The following PRDM16 variants were observed in gnomAD, a reference collection of about 807,000 sequenced individuals.
PRDM16 encodes the protein PR/SET domain 16, also known as histone-lysine N-methyltransferase PRDM16.
PRDM16 carries 23 observed loss-of-function variants against 110.6 expected under a neutral mutation model. The ratio of observed to expected loss-of-function variants is 0.21; its 90% CI spans 0.15 to 0.29. The LOEUF (loss-of-function observed/expected upper bound fraction) is 0.29. Ranked by LOEUF, PRDM16 falls within the 10% of genes least tolerant of loss-of-function variation. The pLI, the probability that PRDM16 is intolerant of heterozygous loss-of-function variation, is 1.00. For missense variants in PRDM16, 1,615 were observed against 1,794.3 expected, an observed-to-expected ratio of 0.90 and a Z score of 1.81; for synonymous variants, 799 against 781.8, an observed-to-expected ratio of 1.02 and a Z score of -0.37.
chr1:3,321,416 G>C (rs1641742012), intron 3 of PRDM16, among the ~76,000 whole-genome samples: 1 of 151,716 alleles, frequency 6.6e-6, no homozygotes, highest in Non-Finnish European at 1.5e-5. Context: ...GTGAGTGTAT[G>C]CATTTGTGTG....
In PRDM16 at chr1:3,176,509, T is replaced by C. The variant is rs185406079; in HGVS notation, c.38-9616T>C. Among the ~76,000 whole-genome samples, 371 of 151,200 alleles carry C rather than the reference T, an allele frequency of 2.5e-3. 3 individuals are homozygous for C. The highest frequency in any genetic ancestry group is 8.6e-3 in the African/African-American group (356 of 41,368). On this transcript the variant is annotated intron_variant, in intron 1 of 16. Coordinates refer to ENST00000270722, the MANE Select transcript of PRDM16 (RefSeq NM_022114.4). ...ATCCATCCATCCATCCACCCACCCATTGATTCACCCACCCATCCATTCATC... is the reference window on the plus strand; with the variant it reads ...ATCCATCCATCCATCCACCCACCCACTGATTCACCCACCCATCCATTCATC...
intron 2 of PRDM16, among the ~76,000 whole-genome samples, chr1:3,219,935 G>A (rs765599888): frequency 2.6e-5 from 4 of 152,192 alleles, no homozygotes; most frequent in Non-Finnish European, 4.4e-5. Flanking sequence ...CCAGACCGGC[G>A]GAGTCTCCCT....
At chr1:3,304,376 T>C (rs1429145538) in intron 3 of PRDM16, among the ~76,000 whole-genome samples, 1 of 152,200 alleles carries the variant, frequency 6.6e-6, no homozygotes, top group Non-Finnish European at 1.5e-5. Context: ...AAGGCAATCT[T>C]CCAGTCAGCT....
rs1354516604 is a variant in PRDM16, at chr1:3,412,229, C to T, written c.2032C>T (p.Pro678Ser). Residue 678 changes from proline to serine, a missense_variant, in exon 9 of 17, where the codon CCC becomes TCC. This residue lies in a region of PRDM16 where 772 missense variants were observed against 748.3 expected (regional missense o/e 1.03). Coordinates refer to ENST00000270722, the MANE Select transcript of PRDM16 (RefSeq NM_022114.4). ...FYSQHSFFPP[P>S]DEQLLTATGA... Reference sequence around the variant, plus strand: ...TTCCCAGCACTCATTCTTCCCGCCACCCGACGAGCAGCTGCTGACTGCAAC... The same window carrying T: ...TTCCCAGCACTCATTCTTCCCGCCATCCGACGAGCAGCTGCTGACTGCAAC... The T allele has an allele frequency of 6.2e-7, 1 of 1,608,698 alleles. No homozygotes were observed. Among genetic ancestry groups the T allele is most frequent in the Non-Finnish European group, 8.5e-7 (1 of 1,176,344 alleles).
Position 3,405,641 on chromosome 1 carries a change from T to G in PRDM16, c.1179T>G (p.Pro393=). Residue 393 remains proline (P), a synonymous_variant, in exon 8 of 17, where the codon CCT becomes CCG. Coordinates refer to ENST00000270722, the MANE Select transcript of PRDM16 (RefSeq NM_022114.4). ...QHKHIHSTVK[P]FICEVCHKSY... is the part of the protein sequence containing the mutation. ...AGCATATCCACAGCACGGTGAAGCC[T>G]TTCATATGTGAGTGGTCGCCCAGCC... 6.3e-7 allele frequency: 1 copy of G among 1,585,258 alleles called. No individual in the cohort carries two copies. The highest frequency in any genetic ancestry group is 1.1e-5 in the South Asian group (1 of 87,914).
intron 5 of PRDM16, among the ~76,000 whole-genome samples, chr1:3,398,629 C>T (rs1463432982): frequency 1.3e-5 from 2 of 152,208 alleles, no homozygotes; most frequent in Non-Finnish European, 1.5e-5. Flanking sequence ...CTCGGCTCTC[C>T]GGGGCCATTA....
intron 2 of PRDM16, among the ~76,000 whole-genome samples, chr1:3,237,168 C>T (rs12080274): frequency 1.2e-4 from 19 of 152,158 alleles, no homozygotes; most frequent in African/African-American, 4.3e-4. Context: ...CCCCCATCGT[C>T]TGTTTCTTGC....
rs1458064195 is a variant in PRDM16 at position 3,243,498 on chromosome 1, G to C, written c.388-589G>C. Reference sequence around the variant, plus strand: ...CCCCTGCCTCTGGCCGCCCGCCGCTGTCTCCTGGGACCGCTGGGCAGAGTC... The same window carrying C: ...CCCCTGCCTCTGGCCGCCCGCCGCTCTCTCCTGGGACCGCTGGGCAGAGTC... On this transcript the variant is annotated intron_variant, in intron 2 of 16. Coordinates refer to ENST00000270722, the MANE Select transcript of PRDM16 (RefSeq NM_022114.4). The surrounding 1 kb of genome is among the most constrained non-coding windows in gnomAD (Gnocchi z 5.5). Among the ~76,000 whole-genome samples, 1 of 152,154 alleles carries C rather than the reference G, an allele frequency of 6.6e-6. No homozygotes were observed. Among genetic ancestry groups the C allele is most frequent in the African/African-American group, 2.4e-5 (1 of 41,444 alleles).
At chr1:3,317,623 G>A (rs971381794) in intron 3 of PRDM16, among the ~76,000 whole-genome samples, 8 of 152,204 alleles carry the variant, frequency 5.3e-5, no homozygotes, top group South Asian at 4.1e-4. Context: ...GGCTCCGCCC[G>A]GGCCTCTGAG....
At chr1:3,181,666 A>ATGCAGTCTTACACACG (rs200523426) in intron 1 of PRDM16, among the ~76,000 whole-genome samples, 1 of 133,046 alleles carries the variant, frequency 7.5e-6, no homozygotes, top group Non-Finnish European at 1.6e-5. Context: ...GGTCTTACAC[A>ATGCAGTCTTACACACG]GTCTTACACG....
chr1:3,181,793 TGCAGTCTTACAC>T (rs1455567924), intron 1 of PRDM16, among the ~76,000 whole-genome samples: 4 of 58,816 alleles, frequency 6.8e-5, no homozygotes, highest in Non-Finnish European at 1.6e-4. Context: ...GTCTTACACA[TGCAGTCTTACAC>T]ACGGTCTTAC....
rs145245025 is a variant in PRDM16 at position 3,304,408 on chromosome 1, A to G, written c.438+60271A>G. ...AGCTTTCCCTTAACAAGTGATCTCT[A>G]TTCGCTGAAACCACATTTGCAGCCT... On this transcript the variant is annotated intron_variant, in intron 3 of 16. Transcript: ENST00000270722. 1.2e-3 allele frequency among the ~76,000 whole-genome samples: 188 copies of G among 152,310 alleles called. 1 individual carries two copies. Among genetic ancestry groups the G allele is most frequent in the Non-Finnish European group, 2.1e-3 (140 of 68,024 alleles).
rs201711960 is a variant in PRDM16 at position 3,435,769 on chromosome 1, CTG to C, written c.*1961_*1962del. ...GCTCCAGGACAAAAGACAATCGTCT[CTG>C]TGGGTGCCGGGTGGTCCAGGCTTGC... On this transcript the variant is annotated 3_prime_UTR_variant, in exon 17 of 17. Transcript: ENST00000270722. 4.1e-3 allele frequency: 957 copies of C among 232,574 alleles called. 7 individuals carry two copies. The highest frequency in any genetic ancestry group is 0.019 in the African/African-American group (885 of 45,406). The allele number at this position is 232,574 out of a possible 1,614,324, so 14.4% of individuals were successfully genotyped here. A position where few individuals can be genotyped will look rare whatever the true frequency, so the allele number is the denominator to read the frequency against.
chr1:3,077,014 T>G (rs532449495), intron 1 of PRDM16, among the ~76,000 whole-genome samples: 1 of 152,292 alleles, frequency 6.6e-6, no homozygotes, highest in African/African-American at 2.4e-5. Context: ...TCCCCAAACC[T>G]CTGGCTCTGG....
At chr1:3,367,344 G>T (rs1642833645) in intron 3 of PRDM16, among the ~76,000 whole-genome samples, 1 of 152,210 alleles carries the variant, frequency 6.6e-6, no homozygotes, top group South Asian at 2.1e-4. Context: ...GCCATGGGGA[G>T]GTCTCTGCTC....
intron 2 of PRDM16, among the ~76,000 whole-genome samples, chr1:3,224,881 T>G (rs1313402007): frequency 1.3e-5 from 2 of 152,202 alleles, no homozygotes; most frequent in African/African-American, 2.4e-5. Flanking sequence ...GACTTGTGTC[T>G]CCAGAGAAAT....
intron 1 of PRDM16, among the ~76,000 whole-genome samples, chr1:3,115,008 G>C (rs1176482008): frequency 6.6e-6 from 1 of 152,276 alleles, no homozygotes; most frequent in East Asian, 1.9e-4. Flanking sequence ...TGACATCTGG[G>C]TGTAGCCTCT....
Position 3,396,612 on chromosome 1 carries a change from A to C in PRDM16, c.676+19A>C, listed in dbSNP as rs1569674645. ...CTGGACGGTAAGACCCCTCCCCCAA[A>C]CCGGGCCACGGCCCCTGGGAGCCCC... On this transcript the variant is annotated intron_variant, in intron 5 of 16. Transcript: ENST00000270722. 5 of 1,317,688 alleles carry C rather than the reference A, an allele frequency of 3.8e-6. No individual in the cohort carries two copies. Among genetic ancestry groups the C allele is most frequent in the African/African-American group, 1.5e-5 (1 of 68,852 alleles). 81.6% of individuals were successfully genotyped at this position (1,317,688 alleles called of 1,614,324 possible). A position where few individuals can be genotyped will look rare whatever the true frequency, so the allele number is the denominator to read the frequency against.
chr1:3,114,191 A>ACGCACACGCACGTG (rs1553127261), intron 1 of PRDM16, among the ~76,000 whole-genome samples: 1 of 131,714 alleles, frequency 7.6e-6, no homozygotes, highest in Non-Finnish European at 1.6e-5. Context: ...ACACGCACAC[A>ACGCACACGCACGTG]CGCACACGCA....
Sources: gnomAD v4.1 joint callset for allele counts (sites outside exome capture counted in the v4.1 genomes callset) on GRCh38, gnomAD v4.1.1 for gene constraint, gnomAD v4.1.1 regional missense constraint, Gnocchi (gnomAD v3.1) non-coding constraint, MANE v1.5 for transcripts, NCBI Gene and HGNC (gene_info 2026-07-23, HGNC 2026-07-21) for gene names.